KIF26B: variants seen among roughly 807,000 people sequenced by gnomAD.
KIF26B encodes the protein kinesin family member 26B.
In KIF26B, 63 loss-of-function variants were observed where a neutral mutation model predicts 151.2. The observed-to-expected ratio is 0.42, with a 90% CI of 0.34 to 0.51. KIF26B has a LOEUF of 0.51. KIF26B is among the 20% of genes least tolerant of loss of function. The pLI is 0.07. For missense variants in KIF26B, 2,813 were observed against 2,913.6 expected (o/e 0.97, Z 0.79); for synonymous variants, 1,357 against 1,262.1 (o/e 1.08, Z -1.59).
At chr1:245,159,469 T>C (rs942127277) in intron 2 of KIF26B, among the ~76,000 whole-genome samples, 1 of 152,228 alleles carries the variant, frequency 6.6e-6, no homozygotes. Flanking sequence ...TGAATGAGAC[T>C]ATTAAAACGT....
intron 3 of KIF26B, among the ~76,000 whole-genome samples, chr1:245,401,927 C>A (rs1674011707): frequency 2.0e-5 from 3 of 151,894 alleles, no homozygotes; most frequent in Admixed American, 2.0e-4. Context: ...AAAAAAAACC[C>A]CCGAAACAGC....
At chr1:245,265,604 T>A (rs1207821651) in intron 2 of KIF26B, among the ~76,000 whole-genome samples, 2 of 145,108 alleles carry the variant, frequency 1.4e-5, no homozygotes, top group Non-Finnish European at 3.1e-5. Context: ...TTTTTTTTTT[T>A]AAAGACAGGG....
At chr1:245,350,333 G>A (rs1672540604) in intron 2 of KIF26B, among the ~76,000 whole-genome samples, 1 of 152,090 alleles carries the variant, frequency 6.6e-6, no homozygotes, top group South Asian at 2.1e-4. Context: ...GGCACCTCTG[G>A]ATAACTTAAG....
At chr1:245,501,157 T>G (rs913198258) in intron 4 of KIF26B, among the ~76,000 whole-genome samples, 1 of 152,120 alleles carries the variant, frequency 6.6e-6, no homozygotes, top group African/African-American at 2.4e-5. Flanking sequence ...CTCGAGGCAA[T>G]CTGGTGTGAA....
intron 2 of KIF26B, among the ~76,000 whole-genome samples, chr1:245,341,647 C>T (rs1672336782): frequency 6.6e-6 from 1 of 152,178 alleles, no homozygotes; most frequent in Non-Finnish European, 1.5e-5. Flanking sequence ...AGAAGGTGAA[C>T]TCTCTGGGCA....
At chr1:245,439,346 C>CAA (rs777808376) in intron 4 of KIF26B, among the ~76,000 whole-genome samples, 8 of 131,740 alleles carry the variant, frequency 6.1e-5, no homozygotes, top group South Asian at 4.9e-4. Flanking sequence ...GACCCTGTCT[C>CAA]AAAAAAAAAA....
At chr1:245,349,891 C>T (rs1334964978) in intron 2 of KIF26B, among the ~76,000 whole-genome samples, 1 of 152,110 alleles carries the variant, frequency 6.6e-6, no homozygotes, top group African/African-American at 2.4e-5. Flanking sequence ...CCTTTGAGAA[C>T]AGGCTTTTGT....
At chr1:245,224,075 G>A (rs1461810454) in intron 2 of KIF26B, among the ~76,000 whole-genome samples, 2 of 152,048 alleles carry the variant, frequency 1.3e-5, no homozygotes, top group African/African-American at 2.4e-5. Context: ...ACCTGAGGTC[G>A]GGAGTTCGAG....
intron 5 of KIF26B, among the ~76,000 whole-genome samples, chr1:245,576,363 C>T (rs1314093304): frequency 6.6e-6 from 1 of 152,196 alleles, no homozygotes; most frequent in African/African-American, 2.4e-5. Context: ...TCAGCTCCCC[C>T]AGAACTCCCT....
intron 3 of KIF26B, among the ~76,000 whole-genome samples, chr1:245,406,173 A>G (rs1674131352): frequency 6.6e-6 from 1 of 150,470 alleles, no homozygotes; most frequent in African/African-American, 2.5e-5. Context: ...GCAGTCTCAC[A>G]CGTTCCCCAC....
intron 10 of KIF26B, among the ~76,000 whole-genome samples, chr1:245,677,035 G>A (rs2044365811): frequency 6.6e-6 from 1 of 152,094 alleles, no homozygotes; most frequent in Admixed American, 6.6e-5. Context: ...TGCACCTCAG[G>A]GTTCTACAGT....
chr1:245,412,326 G>A (rs904947756), intron 3 of KIF26B, among the ~76,000 whole-genome samples: 1 of 152,166 alleles, frequency 6.6e-6, no homozygotes, highest in African/African-American at 2.4e-5. Context: ...TTATTTTCTG[G>A]GATTTGAGGA....
intron 14 of KIF26B, among the ~76,000 whole-genome samples, chr1:245,700,851 C>T (rs1486708261): frequency 6.6e-6 from 1 of 152,208 alleles, no homozygotes; most frequent in Non-Finnish European, 1.5e-5. Context: ...CTGTGCTTAT[C>T]CCTCCCCGCT....
intron 5 of KIF26B, among the ~76,000 whole-genome samples, chr1:245,579,218 C>CA (rs1168508725): frequency 6.6e-6 from 1 of 152,032 alleles, no homozygotes. Flanking sequence ...GTGTGGATCA[C>CA]AATGCTTTAT....
At chr1:245,298,414 A>G (rs1344237407) in intron 2 of KIF26B, among the ~76,000 whole-genome samples, 1 of 152,252 alleles carries the variant, frequency 6.6e-6, no homozygotes, top group East Asian at 1.9e-4. Flanking sequence ...TAAACACAAA[A>G]GCACAAACAT....
intron 10 of KIF26B, among the ~76,000 whole-genome samples, chr1:245,678,917 G>A (rs2044391914): frequency 6.6e-6 from 1 of 152,000 alleles, no homozygotes. Flanking sequence ...CTAGAAAAGA[G>A]CATGCCTGTG....
intron 2 of KIF26B, among the ~76,000 whole-genome samples, chr1:245,285,094 T>C (rs1173263424): frequency 6.6e-6 from 1 of 152,214 alleles, no homozygotes; most frequent in Admixed American, 6.5e-5. Flanking sequence ...CTCTTGTGTC[T>C]GGGAGTCAGT....
intron 12 of KIF26B, among the ~76,000 whole-genome samples, chr1:245,689,631 A>G (rs1270321392): frequency 2.6e-5 from 4 of 152,114 alleles, no homozygotes; most frequent in African/African-American, 7.2e-5. Flanking sequence ...GATCTTGCCA[A>G]ACTGCAACCT....
chr1:245,396,018 C>T (rs1423634039), intron 3 of KIF26B, among the ~76,000 whole-genome samples: 1 of 152,206 alleles, frequency 6.6e-6, no homozygotes, highest in African/African-American at 2.4e-5. Context: ...ACCATGTCCT[C>T]TAGAAAATCC....
Sources: allele counts gnomAD v4.1 joint callset (sites outside exome capture counted in the v4.1 genomes callset), GRCh38; gene constraint gnomAD v4.1.1; transcripts MANE v1.5; gene names NCBI Gene and HGNC (gene_info 2026-07-23, HGNC 2026-07-21).